SELENOF: variants seen among roughly 807,000 people sequenced by gnomAD.
SELENOF encodes selenoprotein F.
SELENOF carries 16 observed loss-of-function variants against 20.5 expected under a neutral mutation model. The ratio of observed to expected loss-of-function variants is 0.78; its 90% confidence interval spans 0.53 to 1.19. SELENOF has a LOEUF of 1.19. Ranked by LOEUF, SELENOF falls within the 50% of genes most tolerant of loss-of-function variation. The pLI is 0.00. For missense variants in SELENOF, 215 were observed against 194.2 expected (o/e 1.11, Z -0.64); for synonymous variants, 78 against 74.5 (o/e 1.05, Z -0.24).
In SELENOF at chr1:86,900,077, G is replaced by A. The variant is rs551209920; in HGVS notation, c.252+3204C>T. Among the ~76,000 whole-genome samples, 1,367 of 151,076 alleles carry A rather than the reference G, an allele frequency of 9.0e-3. 12 individuals are homozygous for A. The highest frequency in any genetic ancestry group is 0.032 in the African/African-American group (1,324 of 41,046). On this transcript the variant is annotated intron_variant, in intron 2 of 4. Coordinates refer to ENST00000331835, the MANE Select transcript of SELENOF (RefSeq NM_004261.5). ...TCACTTCCTAGATGGGATGGCGGCCGGGCAGAGACGCTCCTCACTTTCCAG... is the reference window on the plus strand; with the variant it reads ...TCACTTCCTAGATGGGATGGCGGCCAGGCAGAGACGCTCCTCACTTTCCAG...
rs760012797 is a variant in SELENOF, at chr1:86,880,737, A to G, written c.253-12T>C. On this transcript the variant is annotated splice_polypyrimidine_tract_variant and intron_variant, in intron 2 of 4. Coordinates refer to ENST00000331835, the MANE Select transcript of SELENOF (RefSeq NM_004261.5). Reference sequence around the variant, plus strand: ...GCTCCTGCATACAGCTACAAAAGGAAAAACAGGAATTTAAAAAACTGGTAT... The same window carrying G: ...GCTCCTGCATACAGCTACAAAAGGAGAAACAGGAATTTAAAAAACTGGTAT... 1.3e-6 allele frequency: 2 copies of G among 1,534,312 alleles called. No homozygotes were observed. Among genetic ancestry groups the G allele is most frequent in the Non-Finnish European group, 1.8e-6 (2 of 1,139,172 alleles).
intron 3 of SELENOF, among the ~76,000 whole-genome samples, chr1:86,874,204 C>G (rs1378442554): frequency 6.6e-6 from 1 of 151,890 alleles, no homozygotes; most frequent in East Asian, 1.9e-4. Flanking sequence ...CGCCTGACCT[C>G]GTGATCTGCC....
At chr1:86,901,719 A>G (rs1179134401) in intron 2 of SELENOF, among the ~76,000 whole-genome samples, 1 of 152,242 alleles carries the variant, frequency 6.6e-6, no homozygotes, top group Non-Finnish European at 1.5e-5. Context: ...AATATAATTA[A>G]TTTTAGAGGT....
At chr1:86,898,553 CTAT>C (rs1219757522) in intron 2 of SELENOF, among the ~76,000 whole-genome samples, 1 of 148,286 alleles carries the variant, frequency 6.7e-6, no homozygotes, top group Non-Finnish European at 1.5e-5. Flanking sequence ...CTAAAGCATT[CTAT>C]ATAAACTCTG....
At chr1:86,875,716 C>T (rs944878657) in intron 3 of SELENOF, among the ~76,000 whole-genome samples, 1 of 152,074 alleles carries the variant, frequency 6.6e-6, no homozygotes, top group Non-Finnish European at 1.5e-5. Context: ...AAGACCAGTA[C>T]GCCAAATATA....
chr1:86,874,012 C>A (rs1367337732), intron 3 of SELENOF, among the ~76,000 whole-genome samples: 1 of 149,228 alleles, frequency 6.7e-6, no homozygotes, highest in Non-Finnish European at 1.5e-5. Context: ...GGGCAGAAAG[C>A]AAAAAATTCC....
At chr1:86,884,017 T>G (rs191538381) in intron 2 of SELENOF, among the ~76,000 whole-genome samples, 3 of 152,182 alleles carry the variant, frequency 2.0e-5, no homozygotes, top group African/African-American at 7.2e-5. Flanking sequence ...CCTAGTAAAC[T>G]TTCACAGAAC....
rs1266248322 is a variant in SELENOF, at chr1:86,880,779, TATAAA to T, written c.253-59_253-55del. 4.5e-6 allele frequency: 5 copies of T among 1,112,462 alleles called. No homozygotes were observed. In the African/African-American group the frequency reaches 8.0e-5, roughly 18 times the overall value. 68.9% of individuals were successfully genotyped at this position (1,112,462 alleles called of 1,614,324 possible). On this transcript the variant is annotated intron_variant, in intron 2 of 4. Transcript: ENST00000331835. ...AACTGGTATAAATTAAAAATGTACT[TATAAA>T]ATAAATATAAATTTTCACAGTATAA...
At chr1:86,872,709 C>CCTGG (rs1242045933) in intron 3 of SELENOF, among the ~76,000 whole-genome samples, 1 of 151,998 alleles carries the variant, frequency 6.6e-6, no homozygotes, top group Non-Finnish European at 1.5e-5. Flanking sequence ...TACAGACCAG[C>CCTGG]CTGGCCAACA....
chr1:86,878,871 G>T (rs1658990319), intron 3 of SELENOF, among the ~76,000 whole-genome samples: 3 of 151,706 alleles, frequency 2.0e-5, no homozygotes, highest in African/African-American at 7.3e-5. Context: ...AGAAAATACT[G>T]GTATTATACA....
Position 86,895,212 on chromosome 1 carries a change from C to T in SELENOF, c.252+8069G>A, listed in dbSNP as rs144562560. 6.2e-3 allele frequency among the ~76,000 whole-genome samples: 938 copies of T among 152,292 alleles called. 10 individuals are homozygous for T. The highest frequency in any genetic ancestry group is 0.022 in the African/African-American group (905 of 41,554). ...GAACTTGAAAGTGGAATAAAAGATA[C>T]TGCTCCAAATTTTAACACTGGCAAA... On this transcript the variant is annotated intron_variant, in intron 2 of 4. Transcript: ENST00000331835.
chr1:86,881,122 T>C (rs1381556098), intron 2 of SELENOF, among the ~76,000 whole-genome samples: 1 of 152,200 alleles, frequency 6.6e-6, no homozygotes, highest in Non-Finnish European at 1.5e-5. Flanking sequence ...AGTTACTTAA[T>C]AAAAATTCTT....
rs1658661090 is a variant in SELENOF, at chr1:86,868,093, C to T, written c.326G>A (p.Arg109Lys). Residue 109 changes from arginine (R) to lysine (K), a missense_variant, in exon 4 of 5, where the codon AGG (arginine) becomes AAG (lysine). Arg to Lys is a conservative substitution (Grantham distance 26). Coordinates refer to ENST00000331835, the MANE Select transcript of SELENOF (RefSeq NM_004261.5). ...TCTGAACAGTTTGGGTTTATCACTC[C>T]TAACAAAAGCTTATAAAAAAAGAAA... is the stretch of plus-strand genomic sequence containing the variant. Reference protein sequence around the residue: ...GRFPQVQAFVRSDKPKLFRGL... With the variant: ...GRFPQVQAFVKSDKPKLFRGL... 2.7e-6 allele frequency: 4 copies of T among 1,504,902 alleles called. No individual in the cohort carries two copies. The highest frequency in any genetic ancestry group is 1.3e-5 in the South Asian group (1 of 78,746). The allele number at this position is 1,504,902 out of a possible 1,614,324, so 93.2% of individuals were successfully genotyped here.
chr1:86,897,437 C>T (rs1659553449), intron 2 of SELENOF, among the ~76,000 whole-genome samples: 3 of 152,102 alleles, frequency 2.0e-5, no homozygotes. Flanking sequence ...GGGAGTGATA[C>T]TGGTGGTGTG....
intron 2 of SELENOF, among the ~76,000 whole-genome samples, chr1:86,883,384 G>A (rs574859085): frequency 6.6e-6 from 1 of 152,192 alleles, no homozygotes; most frequent in East Asian, 1.9e-4. Context: ...CAATGCGAAT[G>A]TACTTAATGC....
At chr1:86,873,242 G>A (rs1288314781) in intron 3 of SELENOF, among the ~76,000 whole-genome samples, 3 of 152,114 alleles carry the variant, frequency 2.0e-5, no homozygotes, top group Non-Finnish European at 4.4e-5. Flanking sequence ...GGACAACACA[G>A]CGAGACTCCG....
intron 2 of SELENOF, among the ~76,000 whole-genome samples, chr1:86,888,655 T>G (rs932505838): frequency 6.6e-6 from 1 of 152,232 alleles, no homozygotes; most frequent in South Asian, 2.1e-4. Flanking sequence ...AAAGAATAGT[T>G]ATGATCAACA....
chr1:86,903,233 TATCTC>T lies in SELENOF; in HGVS notation c.252+43_252+47del, dbSNP rs766556204. 1.1e-5 allele frequency: 16 copies of T among 1,508,510 alleles called. No individual in the cohort carries two copies. In the South Asian group the frequency reaches 1.4e-4, roughly 13 times the overall value. The allele number at this position is 1,508,510 out of a possible 1,614,324, so 93.4% of individuals were successfully genotyped here. On this transcript the variant is annotated intron_variant, in intron 2 of 4. Transcript: ENST00000331835. The stretch of plus-strand genomic sequence containing the variant: ...GATTAAGCAACTTACATTTTTACCT[TATCTC>T]AACTAAACCATCCAATGGAAGGAAT...
chr1:86,895,891 G>A (rs761398151), intron 2 of SELENOF, among the ~76,000 whole-genome samples: 1 of 152,132 alleles, frequency 6.6e-6, no homozygotes, highest in Non-Finnish European at 1.5e-5. Flanking sequence ...CAAGGACCTT[G>A]GGAAACCAAG....
Sources: allele counts gnomAD v4.1 joint callset (sites outside exome capture counted in the v4.1 genomes callset), GRCh38; gene constraint gnomAD v4.1.1; transcripts MANE v1.5; gene names NCBI Gene and HGNC (gene_info 2026-07-23, HGNC 2026-07-21).